The following FCER2 variants were observed in gnomAD, a reference collection of about 807,000 sequenced individuals.
The protein encoded by FCER2 is Fc epsilon receptor II.
FCER2 carries 38 observed loss-of-function variants against 49.7 expected under a neutral mutation model. The ratio of observed to expected loss-of-function variants is 0.76; its 90% CI spans 0.59 to 1.00. FCER2 has a LOEUF of 1.00. FCER2 is among the 50% of genes least tolerant of loss of function. The probability of loss-of-function intolerance (pLI) is 0.00; values close to 1 mark genes in which losing one functional copy is unlikely to be tolerated. For missense variants in FCER2, 425 were observed against 419.5 expected, an observed-to-expected ratio of 1.01 and a Z score of -0.11; for synonymous variants, 163 against 164.6, an observed-to-expected ratio of 0.99 and a Z score of 0.07.
intron 4 of FCER2, among the ~76,000 whole-genome samples, chr19:7,697,949 CCAACTTACAATGGCT>C (rs548900485): frequency 3.2e-4 from 49 of 152,254 alleles, no homozygotes; most frequent in African/African-American, 1.2e-3. Context: ...CTTAAGGCTG[CCAACTTACAATGGCT>C]CAACTTACAA....
At chr19:7,695,920 CTTTTTTTTTTT>C (rs60387474) in intron 8 of FCER2, among the ~76,000 whole-genome samples, 4 of 80,694 alleles carry the variant, frequency 5.0e-5, no homozygotes, top group African/African-American at 1.6e-4. Context: ...CCATCTCTCT[CTTTTTTTTTTT>C]TTTTTTTTTT....
intron 8 of FCER2, among the ~76,000 whole-genome samples, chr19:7,695,958 G>A (rs920207605): frequency 2.4e-5 from 3 of 127,380 alleles, no homozygotes; most frequent in East Asian, 2.2e-4. Flanking sequence ...ACAGAGTCTC[G>A]CTCTGTTGCC....
In FCER2 at chr19:7,699,761, G is replaced by A. The variant is rs768304041; in HGVS notation, c.-1C>T. ...TACCTGAATATTGACCTTCCTCCATGGCGGTCCTGCTTGGATTCTCCCGAT... is the reference window on the plus strand; with the variant it reads ...TACCTGAATATTGACCTTCCTCCATAGCGGTCCTGCTTGGATTCTCCCGAT... On this transcript the variant is annotated 5_prime_UTR_variant, in exon 2 of 11. Transcript: ENST00000597921. 9.3e-6 allele frequency: 15 copies of A among 1,613,890 alleles called. No individual in the cohort carries two copies. The highest frequency in any genetic ancestry group is 1.3e-5 in the Non-Finnish European group (15 of 1,179,824).
At position 7,698,759 on chromosome 19, in the gene FCER2, T is replaced by C. The variant is rs764771051; in HGVS notation, c.118A>G (p.Thr40Ala). Residue 40 changes from threonine to alanine, a missense_variant, in exon 3 of 11, where the codon ACT becomes GCT. By Grantham distance (58) the Thr-to-Ala change is moderately conservative. Transcript: ENST00000597921. ...TCCTCACGCCACAGGAGAAGCAGAG[T>C]CAGCAGCCCAGCCCACAGAGCGGCG... ...VTAALWAGLLTLLLLWHWDTT... is the reference protein window; with the variant it reads ...VTAALWAGLLALLLLWHWDTT... 1 of 1,612,186 alleles carries C rather than the reference T, an allele frequency of 6.2e-7. No homozygotes were observed. The highest frequency in any genetic ancestry group is 8.5e-7 in the Non-Finnish European group (1 of 1,179,418).
At chr19:7,701,615 G>A (rs2033153068) in intron 1 of FCER2, among the ~76,000 whole-genome samples, 1 of 152,106 alleles carries the variant, frequency 6.6e-6, no homozygotes, top group East Asian at 1.9e-4. Flanking sequence ...GAGCCCATTT[G>A]CTCAATCATC....
intron 8 of FCER2, among the ~76,000 whole-genome samples, chr19:7,691,746 C>G (rs1369931016): frequency 6.6e-6 from 1 of 151,986 alleles, no homozygotes; most frequent in Admixed American, 6.6e-5. Flanking sequence ...TCTCCACAAA[C>G]AACTCCTCAA....
At chr19:7,691,572 C>G (rs977427175) in intron 8 of FCER2, among the ~76,000 whole-genome samples, 5 of 152,066 alleles carry the variant, frequency 3.3e-5, no homozygotes, top group African/African-American at 1.2e-4. Flanking sequence ...GCCACAAGCA[C>G]CATCACCAAC....
At chr19:7,691,535 A>G (rs190936374) in intron 8 of FCER2, among the ~76,000 whole-genome samples, 2 of 152,064 alleles carry the variant, frequency 1.3e-5, no homozygotes, top group East Asian at 3.9e-4. Context: ...CACCCACATC[A>G]CCAGTTCCAC....
At chr19:7,696,980 T>G in intron 7 of FCER2, 33 bp downstream of exon 7, 3 of 1,408,554 alleles carry the variant, frequency 2.1e-6, no homozygotes, top group Non-Finnish European at 2.9e-6. Context: ...GTCCGTTCCC[T>G]CCCCCACTGC....
chr19:7,690,596 A>G (rs77121754), intron 8 of FCER2, 39 bp from the exon 9 acceptor site: 467,481 of 1,595,790 alleles, frequency 0.29, 72,473 homozygotes, highest in African/African-American at 0.54. Flanking sequence ...GGCCAATGGA[A>G]GTGCCTTGGG....
chr19:7,692,025 T>C lies in FCER2; in HGVS notation c.470-1468A>G, dbSNP rs1385955826. 8.7e-5 allele frequency among the ~76,000 whole-genome samples: 13 copies of C among 149,824 alleles called. 3 individuals are homozygous for C. The highest frequency in any genetic ancestry group is 1.8e-4 in the Non-Finnish European group (12 of 67,580). On this transcript the variant is annotated intron_variant, in intron 8 of 10. Transcript: ENST00000597921. ...CACCAACACCATCAGCACGAATACA[T>C]TCACGTCCAACAACACATCAACTAC...
Position 7,698,365 on chromosome 19 carries a change from C to G in FCER2, c.181G>C (p.Ala61Pro). Residue 61 changes from alanine to proline, a missense_variant, in exon 4 of 11, where the codon GCC becomes CCC. By Grantham distance (27) the Ala-to-Pro change is conservative. Coordinates refer to ENST00000597921, the MANE Select transcript of FCER2 (RefSeq NM_001220500.2). Reference protein sequence around the residue: ...QSLKQLEERAARNVSQVSKNL... With the variant: ...QSLKQLEERAPRNVSQVSKNL... The stretch of plus-strand genomic sequence containing the variant: ...CTTGACCCCTTCATACCGTTCCGGG[C>G]AGCCCTCTCTTCCAGCTGTTTTAGA... 6.2e-7 allele frequency: 1 copy of G among 1,611,866 alleles called. No homozygotes were observed. Among genetic ancestry groups the G allele is most frequent in the Non-Finnish European group, 8.5e-7 (1 of 1,178,554 alleles).
At chr19:7,692,203 T>A (rs1196662876) in intron 8 of FCER2, among the ~76,000 whole-genome samples, 1 of 124,572 alleles carries the variant, frequency 8.0e-6, no homozygotes, top group African/African-American at 3.7e-5. Context: ...ACCAACACCA[T>A]CACCACGAGC....
At position 7,699,806 on chromosome 19, in the gene FCER2, G is replaced by T. The variant is rs114566716; in HGVS notation, c.-46C>A. 1.3e-6 allele frequency: 2 copies of T among 1,595,082 alleles called. No homozygotes were observed. Among genetic ancestry groups the T allele is most frequent in the African/African-American group, 2.7e-5 (2 of 74,652 alleles). On this transcript the variant is annotated 5_prime_UTR_variant, in exon 2 of 11. Coordinates refer to ENST00000597921, the MANE Select transcript of FCER2 (RefSeq NM_001220500.2). Reference sequence around the variant, plus strand: ...CCCGATGATGGAGCACTCACTCCCTGACAACGCAGTCCACTCAGCGGGCAC... The same window carrying T: ...CCCGATGATGGAGCACTCACTCCCTTACAACGCAGTCCACTCAGCGGGCAC...
At chr19:7,696,628 C>T in intron 8 of FCER2, 197 bp downstream of exon 8, 1 of 593,250 alleles carries the variant, frequency 1.7e-6, no homozygotes, top group South Asian at 2.1e-5. Flanking sequence ...TTTCCGTCAT[C>T]ACGCACACCT....
chr19:7,697,344 C>G lies in FCER2; in HGVS notation c.254-46G>C, dbSNP rs754001038. On this transcript the variant is annotated intron_variant, in intron 5 of 10. Coordinates refer to ENST00000597921, the MANE Select transcript of FCER2 (RefSeq NM_001220500.2). ...TTCATGGTAAGCAGGTCCTCATTGT[C>G]TCCCCCATCTACCCCCACCCATCCC... is the stretch of plus-strand genomic sequence containing the variant. 38 of 1,588,598 alleles carry G rather than the reference C, an allele frequency of 2.4e-5. 1 individual carries two copies. The South Asian group carries it at 3.9e-4, about 16-fold the overall frequency.
intron 1 of FCER2, among the ~76,000 whole-genome samples, chr19:7,700,473 C>T (rs2146284565): frequency 6.6e-6 from 1 of 152,156 alleles, no homozygotes; most frequent in East Asian, 1.9e-4. Context: ...TCTCCTCTGC[C>T]AATGTCCCCA....
intron 8 of FCER2, among the ~76,000 whole-genome samples, chr19:7,692,074 T>G (rs2032890133): frequency 6.6e-6 from 1 of 150,978 alleles, no homozygotes; most frequent in Non-Finnish European, 1.5e-5. Context: ...ACGAGCACAT[T>G]CATGTCCAAC....
At chr19:7,699,503 T>G in intron 2 of FCER2, 1 of 1,393,216 alleles carries the variant, frequency 7.2e-7, no homozygotes, top group African/African-American at 1.5e-5. Context: ...CTTTTTCTTT[T>G]TTTGTCAGGA....
Sources: allele counts gnomAD v4.1 joint callset (sites outside exome capture counted in the v4.1 genomes callset), GRCh38; gene constraint gnomAD v4.1.1; transcripts MANE v1.5; gene names NCBI Gene and HGNC (gene_info 2026-07-23, HGNC 2026-07-21).